Variants in TREML1 observed in about 807,000 individuals in gnomAD.
TREML1 encodes trem-like transcript 1 protein.
A neutral mutation model predicts 22.8 loss-of-function variants in TREML1; 27 were observed. That is an observed-to-expected ratio of 1.19 (90% CI 0.87 to 1.64). The LOEUF (loss-of-function observed/expected upper bound fraction) is 1.64. Ranked by LOEUF, TREML1 falls within the 40% of genes most tolerant of loss-of-function variation. The pLI is 0.00. For synonymous variants in TREML1, 153 were observed against 161.9 expected (o/e 0.94, Z 0.42); for missense variants, 356 against 382.0 (o/e 0.93, Z 0.57).
Position 41,149,700 on chromosome 6 carries a change from T to C in TREML1, c.840A>G (p.Thr280=). 1 of 1,614,194 alleles carries C rather than the reference T, an allele frequency of 6.2e-7. No individual in the cohort carries two copies. Among genetic ancestry groups the C allele is most frequent in the Non-Finnish European group, 8.5e-7 (1 of 1,180,028 alleles). The change falls in exon 6 of 6, where the codon ACA becomes ACG. Residue 280 remains threonine, a synonymous_variant. Coordinates refer to ENST00000426005, the MANE Select transcript of TREML1 (RefSeq NM_178174.4). ...PKVLVCSKPV[T]YATVIFPGGN... Reference sequence around the variant, plus strand: ...CTCCCGGGAAGATTACTGTGGCATATGTCACAGGCTTGGAGCAGACCAGGA... The same window carrying C: ...CTCCCGGGAAGATTACTGTGGCATACGTCACAGGCTTGGAGCAGACCAGGA...
At chr6:41,153,116 A>G (rs903204407) in intron 2 of TREML1, among the ~76,000 whole-genome samples, 7 of 151,660 alleles carry the variant, frequency 4.6e-5, no homozygotes, top group Non-Finnish European at 1.0e-4. Context: ...AAATGCTTAT[A>G]TACTAGAAAA....
intron 2 of TREML1, 129 bp from the exon 3 acceptor site, chr6:41,151,513 A>G: frequency 1.4e-6 from 1 of 735,758 alleles, no homozygotes. Flanking sequence ...GACCCCAGGA[A>G]GAAACACAGA....
In TREML1 at chr6:41,149,765, G is replaced by A; in HGVS notation, c.775C>T (p.Leu259Phe). 1 of 1,614,230 alleles carries A rather than the reference G, an allele frequency of 6.2e-7. No homozygotes were observed. The highest frequency in any genetic ancestry group is 8.5e-7 in the Non-Finnish European group (1 of 1,180,046). The change falls in exon 6 of 6, where the codon CTC becomes TTC. Residue 259 changes from leucine to phenylalanine, a missense_variant. Coordinates refer to ENST00000426005, the MANE Select transcript of TREML1 (RefSeq NM_178174.4). Reference sequence around the variant, plus strand: ...GGGGGCAATGAGGATGGAGCTGGGAGTGAAGGTTTTCCTGATGGGGAATCA... The same window carrying A: ...GGGGGCAATGAGGATGGAGCTGGGAATGAAGGTTTTCCTGATGGGGAATCA... ...PLDSPSGKPS[L>F]PAPSSLPPLP...
At chr6:41,150,046 T>G in intron 5 of TREML1, 128 bp from the exon 6 acceptor site, 1 of 1,073,682 alleles carries the variant, frequency 9.3e-7, no homozygotes, top group Non-Finnish European at 1.3e-6. Flanking sequence ...AGGGCTTCAT[T>G]GTGAAGATTT....
At chr6:41,154,628 A>G (rs955754839), upstream of TREML1, among the ~76,000 whole-genome samples, 13 of 152,196 alleles carry the variant, frequency 8.5e-5, no homozygotes, top group African/African-American at 3.1e-4. Context: ...TTCCTAATAC[A>G]GAATCTGAGG....
intron 2 of TREML1, among the ~76,000 whole-genome samples, chr6:41,151,939 T>A (rs1765262986): frequency 6.6e-6 from 1 of 152,210 alleles, no homozygotes; most frequent in Non-Finnish European, 1.5e-5. Context: ...ACAAACCAAC[T>A]GACCCTTGCT....
rs752876378 is a variant in TREML1, at chr6:41,149,875, G to T, written c.665C>A (p.Ala222Asp). Reference sequence around the variant, plus strand: ...TGGTACATCCAAAGGCAATTCAGCAGCCGGTCCAGAGTCACTGACGTGGTG... The same window carrying T: ...TGGTACATCCAAAGGCAATTCAGCATCCGGTCCAGAGTCACTGACGTGGTG... ...VVHHVSDSGP[A>D]AELPLDVPHI... The change falls in exon 6 of 6, where the codon GCT becomes GAT. Residue 222 changes from alanine to aspartate, a missense_variant. By Grantham distance (126) the Ala-to-Asp change is moderately radical. Transcript: ENST00000426005. 1.9e-6 allele frequency: 3 copies of T among 1,614,114 alleles called. No homozygotes were observed. The highest frequency in any genetic ancestry group is 2.5e-6 in the Non-Finnish European group (3 of 1,180,018).
Position 41,149,830 on chromosome 6 carries a change from G to T in TREML1, c.710C>A (p.Pro237Gln). ...GTAGGTGGTATTGTCAAATGAAGGT[G>T]GTGAGTCAAGCCTAATGTGTGGTAC... is the stretch of plus-strand genomic sequence containing the variant. ...LDVPHIRLDS[P>Q]PSFDNTTYTS... Residue 237 changes from proline to glutamine, a missense_variant, in exon 6 of 6, where the codon CCA (proline) becomes CAA (glutamine). By Grantham distance (76) the Pro-to-Gln change is moderately conservative (BLOSUM62 -1). Coordinates refer to ENST00000426005, the MANE Select transcript of TREML1 (RefSeq NM_178174.4). 1 of 1,614,128 alleles carries T rather than the reference G, an allele frequency of 6.2e-7. No individual in the cohort carries two copies. The highest frequency in any genetic ancestry group is 8.5e-7 in the Non-Finnish European group (1 of 1,180,016).
chr6:41,150,306 C>A lies in TREML1; in HGVS notation c.576G>T (p.Arg192Ser), dbSNP rs147804615. Reference protein sequence around the residue: ...AVMAKRKQGNRLGVCGRFLSS... With the variant: ...AVMAKRKQGNSLGVCGRFLSS... ...TCAGGAATCGGCCACAGACACCAAGCCTGTTCCCTGGCAGGACAGACAACA... is the reference window on the plus strand; with the variant it reads ...TCAGGAATCGGCCACAGACACCAAGACTGTTCCCTGGCAGGACAGACAACA... Residue 192 changes from arginine to serine, a missense_variant, in exon 5 of 6, where the codon AGG becomes AGT. Coordinates refer to ENST00000426005, the MANE Select transcript of TREML1 (RefSeq NM_178174.4). 51 of 1,613,920 alleles carry A rather than the reference C, an allele frequency of 3.2e-5. No individual in the cohort carries two copies. The African/African-American group carries it at 6.0e-4, about 19-fold the overall frequency.
rs571805078 is a variant in TREML1, at chr6:41,151,170, G to A, written c.479+112C>T. 1.3e-5 allele frequency: 13 copies of A among 975,396 alleles called. No individual in the cohort carries two copies. In the African/African-American group the frequency reaches 1.6e-4, roughly 12 times the overall value. The allele number at this position is 975,396 out of a possible 1,614,324, so 60.4% of individuals were successfully genotyped here. A position where few individuals can be genotyped will look rare whatever the true frequency, so the allele number is the denominator to read the frequency against. On this transcript the variant is annotated intron_variant, in intron 3 of 5. Coordinates refer to ENST00000426005, the MANE Select transcript of TREML1 (RefSeq NM_178174.4). Reference sequence around the variant, plus strand: ...TGTCTGTCTGTCCAGAAGTTCCCCAGAGGTGGGAAGAATCATAGGTTTTCC... The same window carrying A: ...TGTCTGTCTGTCCAGAAGTTCCCCAAAGGTGGGAAGAATCATAGGTTTTCC...
chr6:41,153,781 ACT>A lies in TREML1; in HGVS notation c.351_352del (p.Arg117SerfsTer16), dbSNP rs745848819. 35 of 1,611,906 alleles carry A rather than the reference ACT, an allele frequency of 2.2e-5. No individual in the cohort carries two copies. The highest frequency in any genetic ancestry group is 1.5e-4 in the Admixed American group (9 of 59,784). ...ACCTGGGGGCAGTATGTTCAGAGAG[ACT>A]CTGTGCAAAATCTGGGGCCCCCTGG... On this transcript the variant is annotated frameshift_variant, in exon 2 of 6. Transcript: ENST00000426005. LOFTEE classifies it high-confidence loss of function.
chr6:41,153,705 C>T (rs897437584), intron 2 of TREML1, 53 bp downstream of exon 2: 39 of 1,511,560 alleles, frequency 2.6e-5, no homozygotes, highest in South Asian at 1.3e-4. Context: ...TGGCAATAGG[C>T]GGGGGTGGGG....
chr6:41,150,724 G>A, intron 4 of TREML1, 95 bp downstream of exon 4: 1 of 1,134,312 alleles, frequency 8.8e-7, no homozygotes, highest in Non-Finnish European at 1.3e-6. Context: ...AAATCCATTT[G>A]TAGGGGGATT....
chr6:41,151,253 T>C (rs759450070), intron 3 of TREML1, 29 bp downstream of exon 3: 6 of 1,595,624 alleles, frequency 3.8e-6, no homozygotes, highest in Middle Eastern at 3.3e-4. Flanking sequence ...ACCCTTCTCC[T>C]GGCCTCCCAA....
chr6:41,150,574 C>A (rs937894966), intron 4 of TREML1, among the ~76,000 whole-genome samples: 1 of 152,146 alleles, frequency 6.6e-6, no homozygotes, highest in Admixed American at 6.6e-5. Context: ...TTCTCCAATG[C>A]CTTTCCTCCC....
intron 4 of TREML1, 37 bp from the exon 5 acceptor site, chr6:41,150,350 G>A (rs199680007): frequency 6.8e-6 from 11 of 1,608,766 alleles, no homozygotes; most frequent in African/African-American, 5.3e-5. Context: ...GTCTGCTTCC[G>A]GGGCTGGCTC....
Position 41,153,059 on chromosome 6 carries a change from T to TA in TREML1, c.376+698dup, listed in dbSNP as rs34853146. The stretch of plus-strand genomic sequence containing the variant: ...TATTTTTAGAACATCCTATCTTTCT[T>TA]AAAAAAAAAAACCCAAGTTTTTAAT... On this transcript the variant is annotated intron_variant, in intron 2 of 5. Transcript: ENST00000426005. Among the ~76,000 whole-genome samples the TA allele has an allele frequency of 7.5e-3, 1,071 of 142,724 alleles. 14 individuals are homozygous for TA. The highest frequency in any genetic ancestry group is 0.067 in the South Asian group (299 of 4,486). The allele number at this position is 142,724 out of a possible 152,430, so 93.6% of individuals were successfully genotyped here. A position where few individuals can be genotyped will look rare whatever the true frequency, so the allele number is the denominator to read the frequency against.
chr6:41,153,729 G>T (rs966185720), intron 2 of TREML1, 29 bp downstream of exon 2: 1 of 1,567,510 alleles, frequency 6.4e-7, no homozygotes, highest in South Asian at 1.2e-5. Flanking sequence ...GTAGGTCTAA[G>T]GGGTGGTAGC....
intron 3 of TREML1, 91 bp from the exon 4 acceptor site, chr6:41,150,998 A>G (rs1441911577): frequency 1.8e-5 from 20 of 1,101,960 alleles, no homozygotes; most frequent in Non-Finnish European, 2.6e-5. Flanking sequence ...GAAGGGTTAC[A>G]TTCTTGATTG....
Sources: gnomAD v4.1 joint callset for allele counts (sites outside exome capture counted in the v4.1 genomes callset) on GRCh38, gnomAD v4.1.1 for gene constraint, MANE v1.5 for transcripts, NCBI Gene and HGNC (gene_info 2026-07-23, HGNC 2026-07-21) for gene names.